The following EFCAB6 variants were observed in gnomAD, a reference collection of about 807,000 sequenced individuals.
EFCAB6 encodes EF-hand calcium-binding domain-containing protein 6.
Under a neutral mutation model 169.8 loss-of-function variants are expected in EFCAB6, and 156 were observed. The ratio of observed to expected loss-of-function variants is 0.92; its 90% CI spans 0.81 to 1.05. The LOEUF is 1.05. EFCAB6 is among the 50% of genes least tolerant of loss of function. The pLI is 0.00. For synonymous variants in EFCAB6, 698 were observed against 676.4 expected, an observed-to-expected ratio of 1.03 and a Z score of -0.50; for missense variants, 1,800 against 1,829.1, an observed-to-expected ratio of 0.98 and a Z score of 0.29.
intron 8 of EFCAB6, among the ~76,000 whole-genome samples, chr22:43,718,251 T>A (rs2059403213): frequency 6.6e-6 from 1 of 152,220 alleles, no homozygotes. Flanking sequence ...ATGAAATAAA[T>A]CTAAAATATA....
chr22:43,618,206 GA>G (rs750402103), intron 20 of EFCAB6, among the ~76,000 whole-genome samples: 1 of 142,152 alleles, frequency 7.0e-6, no homozygotes, highest in Non-Finnish European at 1.6e-5. Context: ...AAGAAAGAAA[GA>G]AAGAAAGAAA....
chr22:43,712,123 C>CT (rs999989400), intron 9 of EFCAB6, among the ~76,000 whole-genome samples: 6 of 151,700 alleles, frequency 4.0e-5, no homozygotes, highest in Non-Finnish European at 7.4e-5. Flanking sequence ...TCATCCTTTT[C>CT]TTTTTTTTAA....
At chr22:43,573,921 A>C (rs2050061379) in intron 26 of EFCAB6, among the ~76,000 whole-genome samples, 4 of 152,184 alleles carry the variant, frequency 2.6e-5, no homozygotes, top group Admixed American at 2.6e-4. Context: ...TCAATCATTT[A>C]TGTCTTTAAA....
intron 13 of EFCAB6, among the ~76,000 whole-genome samples, chr22:43,677,380 G>T (rs901648674): frequency 6.6e-6 from 1 of 152,184 alleles, no homozygotes; most frequent in South Asian, 2.1e-4. Flanking sequence ...AGGCGCGGTG[G>T]CTCACGCCTG....
chr22:43,685,374 C>A (rs749679192), intron 11 of EFCAB6, among the ~76,000 whole-genome samples: 3 of 152,048 alleles, frequency 2.0e-5, no homozygotes, highest in Admixed American at 6.6e-5. Context: ...TCAGTGTTGG[C>A]GAGCACCATC....
At chr22:43,590,507 A>G (rs1336258660) in intron 23 of EFCAB6, among the ~76,000 whole-genome samples, 1 of 152,214 alleles carries the variant, frequency 6.6e-6, no homozygotes, top group Non-Finnish European at 1.5e-5. Flanking sequence ...TACTTTAAAA[A>G]CGGAACCAAG....
intron 27 of EFCAB6, 78 bp downstream of exon 27, chr22:43,554,791 C>T: frequency 7.9e-7 from 1 of 1,261,750 alleles, no homozygotes; most frequent in Non-Finnish European, 1.1e-6. Flanking sequence ...CAGTCTTAAA[C>T]TCTGTACATT....
At chr22:43,688,922 T>G (rs1369398525) in intron 10 of EFCAB6, among the ~76,000 whole-genome samples, 6 of 152,238 alleles carry the variant, frequency 3.9e-5, no homozygotes, top group Non-Finnish European at 8.8e-5. Context: ...GCGAACTGGT[T>G]AGACAAACAA....
rs1208310362 is a variant in EFCAB6, at chr22:43,760,211, AAAAAAAAAGAAAAAAG to A, written c.441-4395_441-4380del. The stretch of plus-strand genomic sequence containing the variant: ...ACAGCAAGACTCTGTCTCAAAAAAA[AAAAAAAAAGAAAAAAG>A]AAAAAAAAAGAAAACAAATATAAGT... On this transcript the variant is annotated intron_variant, in intron 5 of 31. Transcript: ENST00000262726. 5.7e-4 allele frequency among the ~76,000 whole-genome samples: 76 copies of A among 133,378 alleles called. 3 individuals are homozygous for A. Among genetic ancestry groups the A allele is most frequent in the Middle Eastern group, 7.4e-3 (2 of 272 alleles). 87.5% of individuals were successfully genotyped at this position (133,378 alleles called of 152,430 possible). A position where few individuals can be genotyped will look rare whatever the true frequency, so the allele number is the denominator to read the frequency against.
At chr22:43,669,944 T>A (rs537248884) in intron 15 of EFCAB6, among the ~76,000 whole-genome samples, 1 of 152,310 alleles carries the variant, frequency 6.6e-6, no homozygotes, top group East Asian at 1.9e-4. Flanking sequence ...ACATGTGTGA[T>A]CATGTCCTCA....
At chr22:43,580,736 G>A in intron 24 of EFCAB6, 77 bp from the exon 25 acceptor site, 1 of 1,463,394 alleles carries the variant, frequency 6.8e-7, no homozygotes, top group South Asian at 1.3e-5. Flanking sequence ...CAGTTGCTGA[G>A]CACATTGGGC....
chr22:43,685,845 A>G (rs1330867809), intron 11 of EFCAB6, among the ~76,000 whole-genome samples: 1 of 152,154 alleles, frequency 6.6e-6, no homozygotes, highest in African/African-American at 2.4e-5. Context: ...GGTCACTAGT[A>G]TATCTAAGTG....
intron 18 of EFCAB6, 60 bp from the exon 19 acceptor site, chr22:43,632,298 T>A: frequency 2.9e-6 from 3 of 1,032,724 alleles, no homozygotes; most frequent in Admixed American, 2.8e-5. Context: ...TTCCTTCTTT[T>A]TTTTTTTTTT....
At chr22:43,753,346 T>A (rs1449577761) in intron 6 of EFCAB6, among the ~76,000 whole-genome samples, 1 of 152,192 alleles carries the variant, frequency 6.6e-6, no homozygotes, top group East Asian at 1.9e-4. Flanking sequence ...AAGTGAGGAA[T>A]GCGCCAGGAC....
intron 22 of EFCAB6, among the ~76,000 whole-genome samples, chr22:43,607,692 A>G (rs1271910141): frequency 2.0e-5 from 3 of 152,210 alleles, no homozygotes; most frequent in African/African-American, 7.2e-5. Context: ...AACAGATGAA[A>G]ATCTGGGAAA....
At position 43,572,153 on chromosome 22, in the gene EFCAB6, C is replaced by G. The variant is rs1450081881; in HGVS notation, c.3420+4144G>C. Among the ~76,000 whole-genome samples the G allele has an allele frequency of 6.6e-6, 1 of 152,226 alleles. No homozygotes were observed. Among genetic ancestry groups the G allele is most frequent in the Non-Finnish European group, 1.5e-5 (1 of 68,040 alleles). On this transcript the variant is annotated intron_variant, in intron 26 of 31. Transcript: ENST00000262726. This position sits in a 1 kb window ranked among gnomAD's most constrained non-coding sequence, Gnocchi z 4.0. ...TAGTCCCTGTCTCAAGCACATTTCT[C>G]CTCTTCACTCTTGCTGCAATTTTCT...
chr22:43,707,458 C>T (rs1483618672), intron 10 of EFCAB6, among the ~76,000 whole-genome samples: 1 of 151,918 alleles, frequency 6.6e-6, no homozygotes, highest in African/African-American at 2.4e-5. Context: ...GTTAAATAGA[C>T]ATCTGTACCA....
At chr22:43,673,595 G>A (rs552914564) in intron 13 of EFCAB6, among the ~76,000 whole-genome samples, 98 of 152,226 alleles carry the variant, frequency 6.4e-4, no homozygotes, top group Non-Finnish European at 1.2e-3. Flanking sequence ...GGCCAACATG[G>A]TGAAACCAAC....
At chr22:43,726,253 GAAGAA>G (rs2059724236) in intron 8 of EFCAB6, among the ~76,000 whole-genome samples, 1 of 23,078 alleles carries the variant, frequency 4.3e-5, no homozygotes, top group Non-Finnish European at 8.8e-5. Context: ...GAAATAAGCA[GAAGAA>G]AAAATGTAAA....
Sources: gnomAD v4.1 joint callset for allele counts (sites outside exome capture counted in the v4.1 genomes callset) on GRCh38, gnomAD v4.1.1 for gene constraint, Gnocchi (gnomAD v3.1) non-coding constraint, MANE v1.5 for transcripts, NCBI Gene and HGNC (gene_info 2026-07-23, HGNC 2026-07-21) for gene names.